PTPRD: variants seen among roughly 807,000 people sequenced by gnomAD.
PTPRD encodes protein tyrosine phosphatase receptor type D, also known as receptor-type tyrosine-protein phosphatase delta.
Under a neutral mutation model 214.5 loss-of-function variants are expected in PTPRD, and 34 were observed. The ratio of observed to expected loss-of-function variants is 0.16; its 90% CI spans 0.12 to 0.21. The LOEUF is 0.21. Among genes scored for constraint, PTPRD ranks in the 10% least tolerant of loss-of-function variants. The pLI, the probability that PTPRD is intolerant of heterozygous loss-of-function variation, is 1.00. For synonymous variants in PTPRD, 1,128 were observed against 845.7 expected (o/e 1.33, Z -5.79); for missense variants, 2,545 against 2,398.7 (o/e 1.06, Z -1.27).
intron 12 of PTPRD, among the ~76,000 whole-genome samples, chr9:8,648,295 C>G (rs547410161): frequency 6.6e-6 from 1 of 152,280 alleles, no homozygotes; most frequent in African/African-American, 2.4e-5. Context: ...CAAAAACAAT[C>G]ACCTACATTC....
At chr9:10,073,500 G>A (rs1241906767) in intron 3 of PTPRD, among the ~76,000 whole-genome samples, 2 of 151,964 alleles carry the variant, frequency 1.3e-5, no homozygotes, top group Non-Finnish European at 2.9e-5. Context: ...AATAACATTA[G>A]GTAAAAATTA....
chr9:9,441,714 C>T (rs923134582), intron 8 of PTPRD, among the ~76,000 whole-genome samples: 1 of 152,150 alleles, frequency 6.6e-6, no homozygotes, highest in Admixed American at 6.5e-5. Context: ...AAAAAATCCA[C>T]TTTTCCAAAA....
At chr9:9,223,525 T>C (rs2099957495) in intron 9 of PTPRD, among the ~76,000 whole-genome samples, 1 of 152,000 alleles carries the variant, frequency 6.6e-6, no homozygotes, top group Non-Finnish European at 1.5e-5. Flanking sequence ...CATTGTAAAA[T>C]AAACTAGGTA....
At chr9:8,628,278 T>C (rs1255954161) in intron 14 of PTPRD, among the ~76,000 whole-genome samples, 2 of 151,918 alleles carry the variant, frequency 1.3e-5, no homozygotes, top group South Asian at 2.1e-4. Flanking sequence ...CACAGGGTAC[T>C]GCACAATGGC....
chr9:9,427,095 C>T (rs760556841), intron 8 of PTPRD, among the ~76,000 whole-genome samples: 7 of 152,110 alleles, frequency 4.6e-5, no homozygotes, highest in African/African-American at 9.7e-5. Context: ...TTCAGACGAT[C>T]GGTAATAACA....
chr9:9,289,084 T>G (rs1374781296), intron 9 of PTPRD, among the ~76,000 whole-genome samples: 1 of 151,846 alleles, frequency 6.6e-6, no homozygotes, highest in East Asian at 1.9e-4. Context: ...AGTAGTTACG[T>G]CATGGAAATA....
rs370246328 is a variant in PTPRD, at chr9:10,543,477, T to TACAC, written c.-600+68920_-600+68921insGTGT. Among the ~76,000 whole-genome samples the TACAC allele has an allele frequency of 8.1e-3, 1,139 of 141,376 alleles. 10 individuals are homozygous for TACAC. The highest frequency in any genetic ancestry group is 0.017 in the South Asian group (73 of 4,372). 92.7% of individuals were successfully genotyped at this position (141,376 alleles called of 152,430 possible). ...CAGTTTGAAGAGTTTAATATATATA[T>TACAC]ATACACACACACACACACACACACA... On this transcript the variant is annotated intron_variant, in intron 2 of 45. Coordinates refer to ENST00000381196, the MANE Select transcript of PTPRD (RefSeq NM_002839.4).
chr9:9,034,529 T>A (rs182825817), intron 10 of PTPRD, among the ~76,000 whole-genome samples: 2 of 152,188 alleles, frequency 1.3e-5, no homozygotes, highest in South Asian at 4.1e-4. Context: ...ACATGGGGAA[T>A]AATTCTTATT....
chr9:9,587,940 A>G (rs1461872307), intron 7 of PTPRD, among the ~76,000 whole-genome samples: 4 of 151,984 alleles, frequency 2.6e-5, no homozygotes, highest in African/African-American at 9.7e-5. Context: ...TGGTTAGCCG[A>G]CTAAAGTGAC....
In PTPRD at chr9:8,414,466, T is replaced by G. The variant is rs10977063; in HGVS notation, c.4087-9806A>C. The stretch of plus-strand genomic sequence containing the variant: ...ATGGGTTTATACAATTAGTTGGCTA[T>G]TTTAATACAATAGTTTTTTTCATTT... On this transcript the variant is annotated intron_variant, in intron 35 of 45. Transcript: ENST00000381196. Among the ~76,000 whole-genome samples, 19 of 152,348 alleles carry G rather than the reference T, an allele frequency of 1.2e-4. No homozygotes were observed. In the East Asian group the frequency reaches 3.7e-3, roughly 29 times the overall value.
chr9:9,833,685 G>GA (rs1199062607), intron 5 of PTPRD, among the ~76,000 whole-genome samples: 2 of 146,236 alleles, frequency 1.4e-5, no homozygotes, highest in African/African-American at 5.3e-5. Flanking sequence ...CTCCGGAGAG[G>GA]GGGGCAGTTC....
chr9:10,025,564 C>T (rs371696761), intron 4 of PTPRD, among the ~76,000 whole-genome samples: 2 of 152,280 alleles, frequency 1.3e-5, no homozygotes, highest in South Asian at 2.1e-4. Flanking sequence ...CTTTCAGACT[C>T]TCTTGGTACA....
intron 11 of PTPRD, among the ~76,000 whole-genome samples, chr9:9,005,247 T>C (rs1007030528): frequency 1.5e-4 from 23 of 152,056 alleles, no homozygotes; most frequent in African/African-American, 5.6e-4. Flanking sequence ...TTGAATGATA[T>C]AGAAGAAATG....
chr9:10,295,886 T>C (rs891940453), intron 3 of PTPRD, among the ~76,000 whole-genome samples: 27 of 151,994 alleles, frequency 1.8e-4, no homozygotes, highest in Non-Finnish European at 2.5e-4. Context: ...TTTGCTACTT[T>C]GAAGATGGAA....
chr9:8,572,663 C>T (rs1011083072), intron 14 of PTPRD, among the ~76,000 whole-genome samples: 4 of 151,942 alleles, frequency 2.6e-5, no homozygotes, highest in African/African-American at 9.7e-5. Context: ...CTTGAGTCAA[C>T]CTCATTGGAG....
At chr9:9,600,245 G>A (rs2093649425) in intron 7 of PTPRD, among the ~76,000 whole-genome samples, 1 of 152,060 alleles carries the variant, frequency 6.6e-6, no homozygotes, top group Non-Finnish European at 1.5e-5. Context: ...CTTTGCAGTT[G>A]GAACTTAATA....
intron 39 of PTPRD, among the ~76,000 whole-genome samples, chr9:8,349,122 C>T (rs551020379): frequency 4.5e-4 from 69 of 152,184 alleles, no homozygotes; most frequent in African/African-American, 1.4e-3. Flanking sequence ...GGAACATTTC[C>T]CCGAAGCCCC....
At chr9:8,502,619 T>G (rs759328600) in intron 23 of PTPRD, among the ~76,000 whole-genome samples, 2 of 152,068 alleles carry the variant, frequency 1.3e-5, no homozygotes, top group Non-Finnish European at 2.9e-5. Context: ...TAAAACTATT[T>G]TACATGCATT....
intron 12 of PTPRD, among the ~76,000 whole-genome samples, chr9:8,719,452 T>G (rs1597888383): frequency 6.6e-6 from 1 of 152,246 alleles, no homozygotes; most frequent in South Asian, 2.1e-4. Context: ...TCTCTTCCCT[T>G]TAACTAACTT....
Sources: allele counts gnomAD v4.1 joint callset (sites outside exome capture counted in the v4.1 genomes callset), GRCh38; gene constraint gnomAD v4.1.1; transcripts MANE v1.5; gene names NCBI Gene and HGNC (gene_info 2026-07-23, HGNC 2026-07-21).